The following PTPN9 variants were observed in gnomAD, a reference collection of about 807,000 sequenced individuals.
The protein encoded by PTPN9 is protein tyrosine phosphatase non-receptor type 9, also known as tyrosine-protein phosphatase non-receptor type 9.
Under a neutral mutation model 69.8 loss-of-function variants are expected in PTPN9, and 26 were observed. The ratio of observed to expected loss-of-function variants is 0.37; its 90% CI spans 0.27 to 0.52. The LOEUF is 0.52. PTPN9 is among the 20% of genes least tolerant of loss of function. PTPN9 has a pLI of 0.91. For missense variants in PTPN9, 549 were observed against 740.3 expected (o/e 0.74, Z 3.00); for synonymous variants, 274 against 272.5 (o/e 1.01, Z -0.05).
At chr15:75,494,475 C>T (rs912974550) in intron 7 of PTPN9, among the ~76,000 whole-genome samples, 2 of 151,782 alleles carry the variant, frequency 1.3e-5, no homozygotes, top group Middle Eastern at 3.2e-3. Flanking sequence ...GCCTCAGCCT[C>T]CCGAGTAGCT....
At chr15:75,548,879 TC>T (rs2075045450) in intron 1 of PTPN9, among the ~76,000 whole-genome samples, 2 of 151,922 alleles carry the variant, frequency 1.3e-5, no homozygotes, top group Admixed American at 1.3e-4. Context: ...GGTCTCGATC[TC>T]CTGACCTTGT....
Position 75,470,701 on chromosome 15 carries a change from C to T in PTPN9, c.1338G>A (p.Thr446=), listed in dbSNP as rs778577021. The change falls in exon 11 of 13, where the codon ACG becomes ACA. Residue 446 remains threonine (T), a synonymous_variant. Coordinates refer to ENST00000618819, the MANE Select transcript of PTPN9 (RefSeq NM_002833.4). ...VENMNHYKKT[T]LEIHNTEERQ... ...TTACCTCTGTGTTGTGAATTTCTAGCGTTGTTTTCTTATAATGATTCATGT... is the reference window on the plus strand; with the variant it reads ...TTACCTCTGTGTTGTGAATTTCTAGTGTTGTTTTCTTATAATGATTCATGT... 11 of 1,613,968 alleles carry T rather than the reference C, an allele frequency of 6.8e-6. No individual in the cohort carries two copies. The highest frequency in any genetic ancestry group is 1.3e-5 in the African/African-American group (1 of 74,930).
At chr15:75,566,015 AAAAAG>A (rs2075125043) in intron 1 of PTPN9, among the ~76,000 whole-genome samples, 2 of 152,166 alleles carry the variant, frequency 1.3e-5, no homozygotes, top group South Asian at 2.1e-4. Flanking sequence ...TTCTTATCTG[AAAAAG>A]AAAAGTTTCC....
At chr15:75,479,757 T>G (rs574491473) in intron 9 of PTPN9, 91 bp downstream of exon 9, 1 of 1,129,242 alleles carries the variant, frequency 8.9e-7, no homozygotes, top group Non-Finnish European at 1.3e-6. Flanking sequence ...CCACTCAAGT[T>G]ACCATTCGTT....
At chr15:75,527,339 T>C in intron 1 of PTPN9, 78 bp from the exon 2 acceptor site, 1 of 1,517,020 alleles carries the variant, frequency 6.6e-7, no homozygotes, top group South Asian at 1.2e-5. Flanking sequence ...AAGTGAAAAC[T>C]ATCATCCCTT....
At chr15:75,501,464 C>CTTTTTTTTTTTTTT (rs745478766) in intron 7 of PTPN9, among the ~76,000 whole-genome samples, 1 of 122,172 alleles carries the variant, frequency 8.2e-6, no homozygotes. Context: ...TTCTTTCTTT[C>CTTTTTTTTTTTTTT]TTTTTTTTTT....
intron 7 of PTPN9, among the ~76,000 whole-genome samples, chr15:75,496,224 C>G (rs933092307): frequency 4.0e-5 from 6 of 149,288 alleles, no homozygotes; most frequent in African/African-American, 1.5e-4. Flanking sequence ...TCACTTGAGG[C>G]CAGGATTTTG....
At chr15:75,529,270 C>T (rs1008045599) in intron 1 of PTPN9, among the ~76,000 whole-genome samples, 1 of 152,114 alleles carries the variant, frequency 6.6e-6, no homozygotes, top group African/African-American at 2.4e-5. Context: ...CAGGTGTGAG[C>T]CACCGCACCC....
chr15:75,472,024 C>G (rs1393616018), intron 10 of PTPN9, among the ~76,000 whole-genome samples: 3 of 152,188 alleles, frequency 2.0e-5, no homozygotes, highest in Non-Finnish European at 4.4e-5. Context: ...CCACTACCTC[C>G]TCTCCAAATA....
chr15:75,506,099 G>A, intron 6 of PTPN9, 96 bp from the exon 7 acceptor site: 2 of 976,758 alleles, frequency 2.0e-6, no homozygotes, highest in Non-Finnish European at 3.0e-6. Flanking sequence ...TTTGGAGGAT[G>A]GGATAAGATT....
At chr15:75,470,239 C>G (rs2074556853) in intron 11 of PTPN9, among the ~76,000 whole-genome samples, 1 of 152,216 alleles carries the variant, frequency 6.6e-6, no homozygotes, top group African/African-American at 2.4e-5. Flanking sequence ...GGATCTCACT[C>G]TGTTGCCCAG....
chr15:75,563,252 A>G (rs2075112503), intron 1 of PTPN9, among the ~76,000 whole-genome samples: 1 of 152,056 alleles, frequency 6.6e-6, no homozygotes, highest in Admixed American at 6.6e-5. Context: ...GCAGTGGTGT[A>G]ATCTCGGCTC....
intron 7 of PTPN9, among the ~76,000 whole-genome samples, chr15:75,498,471 T>C (rs201551284): frequency 1.3e-5 from 2 of 151,850 alleles, no homozygotes; most frequent in African/African-American, 4.8e-5. Context: ...TCCCAGCACT[T>C]TGGGAGGCCG....
intron 1 of PTPN9, among the ~76,000 whole-genome samples, chr15:75,548,909 T>TA (rs1260366950): frequency 6.6e-6 from 1 of 152,048 alleles, no homozygotes; most frequent in Non-Finnish European, 1.5e-5. Context: ...CGCCTCAGCC[T>TA]CCCAAAGTAC....
Position 75,517,340 on chromosome 15 carries a change from C to T in PTPN9, c.447G>A (p.Leu149=). 6.2e-7 allele frequency: 1 copy of T among 1,613,162 alleles called. No individual in the cohort carries two copies. ...VDSFETQRNG[L]VFIYDMCGSN... is the part of the protein sequence containing the mutation. ...AACCACACATGTCATAGATAAACACCAGTCCATTCCTCTGAGTTTCAAAGC... is the reference window on the plus strand; with the variant it reads ...AACCACACATGTCATAGATAAACACTAGTCCATTCCTCTGAGTTTCAAAGC... The change falls in exon 5 of 13, where the codon CTG becomes CTA. Residue 149 remains leucine, a synonymous_variant. Transcript: ENST00000618819.
At chr15:75,562,569 C>T (rs1168495039) in intron 1 of PTPN9, among the ~76,000 whole-genome samples, 2 of 152,106 alleles carry the variant, frequency 1.3e-5, no homozygotes, top group Non-Finnish European at 2.9e-5. Flanking sequence ...CGGTGGCTCA[C>T]GCCTGTAATC....
intron 1 of PTPN9, among the ~76,000 whole-genome samples, chr15:75,578,497 A>G (rs964771258): frequency 1.3e-5 from 2 of 152,166 alleles, no homozygotes; most frequent in African/African-American, 4.8e-5. Context: ...AGCCTCGGCG[A>G]AAGAAGCGGC....
chr15:75,537,442 C>CAAAA (rs1567510749), intron 1 of PTPN9, among the ~76,000 whole-genome samples: 5 of 49,738 alleles, frequency 1.0e-4, no homozygotes, highest in African/African-American at 6.3e-4. Flanking sequence ...AATATCTTCC[C>CAAAA]TAAAAAAAAA....
intron 1 of PTPN9, among the ~76,000 whole-genome samples, chr15:75,528,704 T>A (rs2141323040): frequency 6.6e-6 from 1 of 150,896 alleles, no homozygotes; most frequent in Admixed American, 6.6e-5. Flanking sequence ...CATTTTTTTT[T>A]TTTTTTTTTT....
Sources: gnomAD v4.1 joint callset for allele counts (sites outside exome capture counted in the v4.1 genomes callset) on GRCh38, gnomAD v4.1.1 for gene constraint, MANE v1.5 for transcripts, NCBI Gene and HGNC (gene_info 2026-07-23, HGNC 2026-07-21) for gene names.